Variants in TICRR observed in about 807,000 individuals in gnomAD.
TICRR encodes TOPBP1 interacting checkpoint and replication regulator.
In TICRR, 132 loss-of-function variants were observed where a neutral mutation model predicts 178.1. That is an observed-to-expected ratio of 0.74 (90% CI 0.64 to 0.86). The LOEUF (loss-of-function observed/expected upper bound fraction) is 0.86, where lower values mean the gene tolerates loss of function less well. Ranked by LOEUF, TICRR falls within the 40% of genes least tolerant of loss-of-function variation. TICRR has a pLI of 0.00. For synonymous variants in TICRR, 991 were observed against 900.7 expected (o/e 1.10, Z -1.79); for missense variants, 2,587 against 2,334.3 (o/e 1.11, Z -2.23).
rs1184364404 is a variant in TICRR, at chr15:89,619,839, T to G, written c.3151T>G (p.Ser1051Ala). The G allele has an allele frequency of 6.2e-7, 1 of 1,610,330 alleles. No homozygotes were observed. Among genetic ancestry groups the G allele is most frequent in the East Asian group, 2.2e-5 (1 of 44,792 alleles). ...AGTCCACTCTTTCCAGCAAGATAAG[T>G]CAGGTAACATACGGGCCCCTCTGCC... ...QRVHSFQQDK[S>A]DQRENSPVQS... The change falls in exon 18 of 22, where the codon TCA (serine) becomes GCA (alanine). Residue 1051 changes from serine (S) to alanine (A), a missense_variant. By Grantham distance (99) the Ser-to-Ala change is moderately conservative (BLOSUM62 1). Transcript: ENST00000268138.
At position 89,624,249 on chromosome 15, in the gene TICRR, C is replaced by T. The variant is rs760686772; in HGVS notation, c.3939C>T (p.Thr1313=). 45 of 1,614,074 alleles carry T rather than the reference C, an allele frequency of 2.8e-5. 1 individual carries two copies. Among genetic ancestry groups the T allele is most frequent in the South Asian group, 2.5e-4 (23 of 91,090 alleles). ...SPPVTPKKLF[T]SPLCDVSKKS... is the part of the protein sequence containing the mutation. ...CTGTTACGCCAAAGAAACTGTTTAC[C>T]TCTCCTTTATGTGATGTCTCCAAGA... Residue 1313 remains threonine (T), a synonymous_variant, in exon 20 of 22, where the codon ACC becomes ACT. Transcript: ENST00000268138.
Position 89,595,609 on chromosome 15 carries a change from A to G in TICRR, c.1898A>G (p.Lys633Arg). The G allele has an allele frequency of 6.2e-7, 1 of 1,611,452 alleles. No homozygotes were observed. The highest frequency in any genetic ancestry group is 8.5e-7 in the Non-Finnish European group (1 of 1,177,896). The change falls in exon 7 of 22, where the codon AAA (lysine) becomes AGA (arginine). Residue 633 changes from lysine to arginine, a missense_variant and splice_region_variant. Lys to Arg is a conservative substitution (Grantham distance 26). Transcript: ENST00000268138. ...AGAACACTAAGAAGTTCTAAACCTA[A>G]AGGTATTCCTCTTAGTCTATAATTT... ...RGRTLRSSKP[K>R]DFKTEEELLS...
Position 89,595,398 on chromosome 15 carries a change from G to A in TICRR, c.1687G>A (p.Val563Ile). The A allele has an allele frequency of 6.2e-7, 1 of 1,613,018 alleles. No homozygotes were observed. Residue 563 changes from valine (V) to isoleucine (I), a missense_variant, in exon 7 of 22, where the codon GTC becomes ATC. Coordinates refer to ENST00000268138, the MANE Select transcript of TICRR (RefSeq NM_152259.4). ...HQEDSKKKRG[V>I]PRTPVRQKMN... ...CTCTGATGTTGTTTTGGTAGGAGGG[G>A]TCCCTCGTACTCCAGTGAGACAGAA...
At chr15:89,583,135 G>T (rs1441446960) in intron 2 of TICRR, among the ~76,000 whole-genome samples, 170 bp downstream of exon 2, 2 of 152,148 alleles carry the variant, frequency 1.3e-5, no homozygotes, top group Non-Finnish European at 2.9e-5. Context: ...CTGTAGGAAA[G>T]AGTTGAACTC....
Position 89,627,611 on chromosome 15 carries a change from A to C in TICRR, c.*525A>C, listed in dbSNP as rs182275540. 477 of 155,008 alleles carry C rather than the reference A, an allele frequency of 3.1e-3. 3 individuals are homozygous for C. Among genetic ancestry groups the C allele is most frequent in the Middle Eastern group, 0.01 (3 of 296 alleles). The allele number at this position is 155,008 out of a possible 1,614,324, so 9.6% of individuals were successfully genotyped here. ...TCTCTAGTGACTGAGCACTCAGTAC[A>C]TTTTTGTTTAATGTTGGGCCTGAGG... On this transcript the variant is annotated 3_prime_UTR_variant, in exon 22 of 22. Transcript: ENST00000268138.
At chr15:89,622,143 G>A (rs953801193) in intron 19 of TICRR, among the ~76,000 whole-genome samples, 2 of 151,820 alleles carry the variant, frequency 1.3e-5, no homozygotes, top group Admixed American at 6.6e-5. Flanking sequence ...CCACCACAAC[G>A]CCCAACTAAT....
intron 15 of TICRR, among the ~76,000 whole-genome samples, chr15:89,615,797 A>G (rs1214236223): frequency 6.6e-6 from 1 of 152,226 alleles, no homozygotes; most frequent in Non-Finnish European, 1.5e-5. Flanking sequence ...AATCATAAAT[A>G]CTAGAACCAC....
intron 7 of TICRR, among the ~76,000 whole-genome samples, chr15:89,597,601 A>G (rs1963020051): frequency 1.3e-5 from 2 of 151,542 alleles, no homozygotes; most frequent in African/African-American, 4.8e-5. Context: ...TGATCTCTCT[A>G]TTCTTTTGCT....
intron 21 of TICRR, 75 bp downstream of exon 21, chr15:89,626,136 G>T (rs1015527276): frequency 6.4e-7 from 1 of 1,558,016 alleles, no homozygotes; most frequent in Non-Finnish European, 8.7e-7. Flanking sequence ...CAGGCAGCTC[G>T]ATTCTAGAGG....
intron 1 of TICRR, among the ~76,000 whole-genome samples, chr15:89,579,560 C>T (rs771969560): frequency 6.6e-6 from 1 of 151,768 alleles, no homozygotes; most frequent in Admixed American, 6.6e-5. Flanking sequence ...TTGCTAGGCT[C>T]GTCTCGAACT....
intron 5 of TICRR, among the ~76,000 whole-genome samples, chr15:89,592,923 G>C (rs1011677629): frequency 6.6e-6 from 1 of 152,166 alleles, no homozygotes; most frequent in Non-Finnish European, 1.5e-5. Flanking sequence ...GGCCACCTTT[G>C]TGCAGATTGA....
chr15:89,604,295 C>G (rs564005999), intron 13 of TICRR, among the ~76,000 whole-genome samples: 2 of 152,290 alleles, frequency 1.3e-5, no homozygotes, highest in East Asian at 1.9e-4. Context: ...CTTTCTTATA[C>G]TTTGTGAATA....
intron 7 of TICRR, among the ~76,000 whole-genome samples, chr15:89,597,059 A>G (rs927738776): frequency 2.0e-5 from 3 of 152,224 alleles, no homozygotes; most frequent in African/African-American, 7.2e-5. Context: ...GCACTTGAAA[A>G]TAATGGGTAT....
chr15:89,594,027 C>T (rs978334613), intron 5 of TICRR, among the ~76,000 whole-genome samples: 1 of 152,114 alleles, frequency 6.6e-6, no homozygotes, highest in Non-Finnish European at 1.5e-5. Context: ...TATTCGAAGT[C>T]ATTGCAATAC....
Position 89,592,156 on chromosome 15 carries a change from C to T in TICRR, c.1521C>T (p.Ser507=), listed in dbSNP as rs372974512. 2.4e-5 allele frequency: 38 copies of T among 1,610,580 alleles called. No homozygotes were observed. Among genetic ancestry groups the T allele is most frequent in the African/African-American group, 2.3e-4 (17 of 74,874 alleles). ...TCTGTAACATCAGTGGTGCCAGTTC[C>T]GATTTGATGGAGTCATTTGGGTAAA... ...FPFCNISGAS[S]DLMESFGLLQ... The change falls in exon 5 of 22, where the codon TCC becomes TCT. Residue 507 remains serine (S), a synonymous_variant. Transcript: ENST00000268138.
At chr15:89,600,815 C>T (rs1046829507) in intron 9 of TICRR, 130 bp downstream of exon 9, 1 of 509,984 alleles carries the variant, frequency 2.0e-6, no homozygotes, top group African/African-American at 2.0e-5. Context: ...GAAGCCAAAG[C>T]AGGAGGATTG....
At position 89,626,002 on chromosome 15, in the gene TICRR, C is replaced by G. The variant is rs144405496; in HGVS notation, c.5543C>G (p.Thr1848Ser). 1.0e-3 allele frequency: 1,672 copies of G among 1,611,956 alleles called. 5 individuals carry two copies. The highest frequency in any genetic ancestry group is 1.7e-3 in the Middle Eastern group (10 of 6,052). ...TCTGCCAGTGCCCTCCAGGCTCTGA[C>G]CCAGTCTCCGCTGCTGTTCCAGGGG... ...CLSASALQALTQSPLLFQGKT... is the reference protein window; with the variant it reads ...CLSASALQALSQSPLLFQGKT... The change falls in exon 21 of 22, where the codon ACC becomes AGC. Residue 1848 changes from threonine (T) to serine (S), a missense_variant. Transcript: ENST00000268138.
intron 15 of TICRR, among the ~76,000 whole-genome samples, chr15:89,614,574 G>A (rs1220398777): frequency 3.3e-5 from 5 of 151,708 alleles, no homozygotes; most frequent in Admixed American, 1.3e-4. Flanking sequence ...CAAGCAGTCC[G>A]CCTGCCTCAG....
Position 89,627,243 on chromosome 15 carries a change from A to C in TICRR, c.*157A>C. The stretch of plus-strand genomic sequence containing the variant: ...TTTTCTAATTCCCCTTATGGATCCA[A>C]TCCATCTCCTGGCCCTGCCCCTTGT... On this transcript the variant is annotated 3_prime_UTR_variant, in exon 22 of 22. Coordinates refer to ENST00000268138, the MANE Select transcript of TICRR (RefSeq NM_152259.4). The C allele has an allele frequency of 2.8e-5, 23 of 829,514 alleles. No individual in the cohort carries two copies. Among genetic ancestry groups the C allele is most frequent in the Non-Finnish European group, 3.7e-5 (20 of 545,428 alleles). The allele number at this position is 829,514 out of a possible 1,614,324, so 51.4% of individuals were successfully genotyped here.
Sources: allele counts gnomAD v4.1 joint callset (sites outside exome capture counted in the v4.1 genomes callset), GRCh38; gene constraint gnomAD v4.1.1; transcripts MANE v1.5; gene names NCBI Gene and HGNC (gene_info 2026-07-23, HGNC 2026-07-21).